APOO: variants seen among roughly 807,000 people sequenced by gnomAD.
APOO encodes the protein apolipoprotein O, also known as MICOS complex subunit MIC26.
In APOO, 11 loss-of-function variants were observed where a neutral mutation model predicts 23.1. The ratio of observed to expected loss-of-function variants is 0.48; its 90% CI spans 0.30 to 0.79. The LOEUF is 0.79. Ranked by LOEUF, APOO falls within the 30% of genes least tolerant of loss-of-function variation. The pLI is 0.07. For missense variants in APOO, 160 were observed against 142.7 expected (o/e 1.12, Z -0.62); for synonymous variants, 59 against 54.8 (o/e 1.08, Z -0.34).
chrX:23,846,180 G>A (rs1924222520), intron 7 of APOO, among the ~76,000 whole-genome samples: 1 of 108,841 alleles, frequency 9.2e-6, no homozygotes, highest in African/African-American at 3.4e-5. Flanking sequence ...GCATAGTAGT[G>A]AATGACTGTA....
At chrX:23,856,507 G>A (rs1924790783) in intron 6 of APOO, 125 bp from the exon 7 acceptor site, 1 of 460,183 alleles carries the variant, frequency 2.2e-6, no homozygotes. Flanking sequence ...ATAGCACTAT[G>A]CATAATAGCA....
intron 4 of APOO, among the ~76,000 whole-genome samples, chrX:23,870,034 A>G (rs1422365970): frequency 1.8e-5 from 2 of 111,873 alleles, no homozygotes; most frequent in Non-Finnish European, 3.8e-5. Context: ...TTACTCGAAC[A>G]GAAGAACAGA....
intron 8 of APOO, among the ~76,000 whole-genome samples, chrX:23,839,522 C>T (rs1331584525): frequency 9.0e-6 from 1 of 111,441 alleles, no homozygotes; most frequent in African/African-American, 3.3e-5. Context: ...AAGTAAGGGC[C>T]ATGATTTACA....
Position 23,849,231 on chromosome X carries a change from C to T in APOO, c.561+7071G>A, listed in dbSNP as rs1011717059. Among the ~76,000 whole-genome samples the T allele has an allele frequency of 2.8e-5, 3 of 109,038 alleles. No homozygotes were observed. In the Admixed American group the frequency reaches 3.0e-4, roughly 11 times the overall value. 94.7% of individuals were successfully genotyped at this position (109,038 alleles called of 115,157 possible). ...GGGATTACAGGTGTGAGCCACTGCG[C>T]CCGGCCAATATCACCATTTCTATCC... On this transcript the variant is annotated intron_variant, in intron 7 of 8. Coordinates refer to ENST00000379226, the MANE Select transcript of APOO (RefSeq NM_024122.5).
At chrX:23,844,462 G>C (rs1431747316) in intron 7 of APOO, among the ~76,000 whole-genome samples, 1 of 111,196 alleles carries the variant, frequency 9.0e-6, no homozygotes. Context: ...CTTGATTCAA[G>C]CATAAGAGTG....
chrX:23,842,834 C>T (rs1316171412), intron 7 of APOO, among the ~76,000 whole-genome samples: 1 of 111,591 alleles, frequency 9.0e-6, no homozygotes, highest in Non-Finnish European at 1.9e-5. Flanking sequence ...CAGGGAGAAA[C>T]CCCGTCTCTA....
chrX:23,907,677 C>G lies in APOO; in HGVS notation c.9+17G>C. ...GGAGGGGGCGGTGACAGCTGTGACT[C>G]GACTCCACGCTCTCACCTTGAACAT... On this transcript the variant is annotated intron_variant, in intron 1 of 8. Transcript: ENST00000379226. The G allele has an allele frequency of 8.7e-7, 1 of 1,155,860 alleles. No individual in the cohort carries two copies. Among genetic ancestry groups the G allele is most frequent in the Non-Finnish European group, 1.2e-6 (1 of 868,469 alleles).
At chrX:23,850,007 A>G (rs1924458049) in intron 7 of APOO, among the ~76,000 whole-genome samples, 1 of 112,276 alleles carries the variant, frequency 8.9e-6, no homozygotes, top group Non-Finnish European at 1.9e-5. Flanking sequence ...TGAAATGCCA[A>G]CTTTCCTGAG....
rs1485824803 is a variant in APOO at position 23,874,351 on chromosome X, G to C, written c.292+52C>G. 1.1e-5 allele frequency: 11 copies of C among 1,024,603 alleles called. No individual in the cohort carries two copies. The East Asian group carries it at 1.2e-4, about 11-fold the overall frequency. The allele number at this position is 1,024,603 out of a possible 1,213,427, so 84.4% of individuals were successfully genotyped here. On this transcript the variant is annotated intron_variant, in intron 4 of 8. Coordinates refer to ENST00000379226, the MANE Select transcript of APOO (RefSeq NM_024122.5). ...GCTCATTCATGGAACTCCGATTAAA[G>C]AGTTCAATGTTAATGAAGTAGCTGA...
intron 1 of APOO, among the ~76,000 whole-genome samples, chrX:23,885,158 G>A (rs1372676788): frequency 9.2e-6 from 1 of 108,901 alleles, no homozygotes; most frequent in East Asian, 2.9e-4. Context: ...CAGCACTTTG[G>A]GAGGCCGAGG....
intron 3 of APOO, among the ~76,000 whole-genome samples, chrX:23,875,876 A>G (rs1238262896): frequency 4.5e-5 from 5 of 111,159 alleles, no homozygotes; most frequent in African/African-American, 1.6e-4. Flanking sequence ...TGTAATCCCA[A>G]CACTTTGGGA....
At chrX:23,848,454 G>A (rs1924358966) in intron 7 of APOO, among the ~76,000 whole-genome samples, 3 of 111,638 alleles carry the variant, frequency 2.7e-5, no homozygotes, top group Non-Finnish European at 5.6e-5. Context: ...GTGAGCCACC[G>A]TGCCTGGCCA....
chrX:23,869,640 GAAAAAAAA>G (rs761388017), intron 4 of APOO, among the ~76,000 whole-genome samples: 1 of 33,933 alleles, frequency 2.9e-5, no homozygotes, highest in African/African-American at 1.2e-4. Flanking sequence ...CTCTTAAAAA[GAAAAAAAA>G]AAAAAAAAAA....
intron 4 of APOO, among the ~76,000 whole-genome samples, chrX:23,871,790 C>T (rs1263765547): frequency 8.9e-6 from 1 of 111,866 alleles, no homozygotes; most frequent in African/African-American, 3.3e-5. Flanking sequence ...ATTTTCGAGG[C>T]CTGGCAGAAT....
chrX:23,856,317 C>T lies in APOO; in HGVS notation c.546G>A (p.Lys182=). The T allele has an allele frequency of 8.3e-7, 1 of 1,209,645 alleles. No homozygotes were observed. The highest frequency in any genetic ancestry group is 1.1e-6 in the Non-Finnish European group (1 of 894,319). The change falls in exon 7 of 9, where the codon AAG becomes AAA. Residue 182 remains lysine (K), a synonymous_variant. Coordinates refer to ENST00000379226, the MANE Select transcript of APOO (RefSeq NM_024122.5). ...RGYIVIEDLW[K]ENFQKPGNVK... ...TGCTCCTCACCTTTTGAAAGTTCTC[C>T]TTCCACAAATCTTCTATGACTATAT...
rs189777031 is a variant in APOO at position 23,836,977 on chromosome X, C to T, written c.*29+3336G>A. On this transcript the variant is annotated intron_variant, in intron 8 of 8. Coordinates refer to ENST00000379226, the MANE Select transcript of APOO (RefSeq NM_024122.5). ...GATGTATTTTTCACCCAAAAAATTT[C>T]GGATTTCAACAAGAGACCCATTCTC... The T allele has an allele frequency of 1.2e-5, 15 of 1,204,285 alleles. No individual in the cohort carries two copies. In the East Asian group the frequency reaches 2.7e-4, roughly 21 times the overall value.
intron 4 of APOO, among the ~76,000 whole-genome samples, chrX:23,872,795 A>C (rs1434003639): frequency 9.0e-6 from 1 of 111,002 alleles, no homozygotes; most frequent in Non-Finnish European, 1.9e-5. Context: ...TCACACCTGT[A>C]ATCCCAGCAC....
chrX:23,860,839 TAA>T (rs113127850), intron 5 of APOO, among the ~76,000 whole-genome samples: 1,072 of 87,306 alleles, frequency 0.012, 16 homozygotes, highest in African/African-American at 0.041. Flanking sequence ...TCTATTCCTT[TAA>T]AAAAAAAAAA....
At chrX:23,889,187 C>G (rs1426693976) in intron 1 of APOO, among the ~76,000 whole-genome samples, 2 of 110,999 alleles carry the variant, frequency 1.8e-5, no homozygotes, top group African/African-American at 6.6e-5. Context: ...AGTCAGCTCC[C>G]TCAGCTTTAA....
Sources: allele counts gnomAD v4.1 joint callset (sites outside exome capture counted in the v4.1 genomes callset), GRCh38; gene constraint gnomAD v4.1.1; transcripts MANE v1.5; gene names NCBI Gene and HGNC (gene_info 2026-07-23, HGNC 2026-07-21).